Variants in SLC6A6 observed in about 807,000 individuals in gnomAD.
The protein encoded by SLC6A6 is solute carrier family 6 member 6, also known as sodium- and chloride-dependent taurine transporter.
SLC6A6 carries 16 observed loss-of-function variants against 68.8 expected under a neutral mutation model. That is an observed-to-expected ratio of 0.23 (90% CI 0.16 to 0.35). The LOEUF (loss-of-function observed/expected upper bound fraction) is 0.35, where lower values mean the gene tolerates loss of function less well. Ranked by LOEUF, SLC6A6 falls within the 10% of genes least tolerant of loss-of-function variation. The pLI is 1.00. For missense variants in SLC6A6, 474 were observed against 802.8 expected, an observed-to-expected ratio of 0.59 and a Z score of 4.95; for synonymous variants, 312 against 315.4, an observed-to-expected ratio of 0.99 and a Z score of 0.12.
intron 5 of SLC6A6, among the ~76,000 whole-genome samples, chr3:14,455,273 C>T (rs1032663543): frequency 5.9e-5 from 9 of 152,302 alleles, no homozygotes; most frequent in African/African-American, 2.2e-4. Flanking sequence ...TCAGCTGCCC[C>T]GAACAAGTCA....
intron 2 of SLC6A6, among the ~76,000 whole-genome samples, chr3:14,424,714 G>C (rs1699552830): frequency 6.6e-6 from 1 of 152,226 alleles, no homozygotes; most frequent in South Asian, 2.1e-4. Flanking sequence ...ACTGGCTCCT[G>C]AACAGACAAA....
intron 6 of SLC6A6, among the ~76,000 whole-genome samples, chr3:14,460,880 C>T (rs1700479172): frequency 6.6e-6 from 1 of 152,234 alleles, no homozygotes; most frequent in South Asian, 2.1e-4. Flanking sequence ...TGCCTGCTCG[C>T]TGGCCATGGC....
chr3:14,419,979 T>G (rs1574913967), intron 2 of SLC6A6, among the ~76,000 whole-genome samples: 1 of 152,112 alleles, frequency 6.6e-6, no homozygotes, highest in African/African-American at 2.4e-5. Context: ...TGTAAACTGG[T>G]GCATATAGGA....
At chr3:14,419,792 GC>G (rs911092797) in intron 2 of SLC6A6, among the ~76,000 whole-genome samples, 6 of 151,506 alleles carry the variant, frequency 4.0e-5, no homozygotes, top group African/African-American at 1.2e-4. Flanking sequence ...CCCAAGGTGA[GC>G]CCCCCCTAGA....
intron 5 of SLC6A6, among the ~76,000 whole-genome samples, chr3:14,453,177 G>T (rs770700929): frequency 6.6e-6 from 1 of 152,220 alleles, no homozygotes; most frequent in Non-Finnish European, 1.5e-5. Context: ...AAAAGGAAAC[G>T]ATTTGGCCCG....
At chr3:14,426,362 G>A (rs931148719) in intron 2 of SLC6A6, among the ~76,000 whole-genome samples, 1 of 152,180 alleles carries the variant, frequency 6.6e-6, no homozygotes, top group Non-Finnish European at 1.5e-5. Context: ...GCTGGTTAAG[G>A]ATTGGGTAAA....
At chr3:14,483,379 G>C (rs1701055684) in intron 14 of SLC6A6, among the ~76,000 whole-genome samples, 1 of 152,242 alleles carries the variant, frequency 6.6e-6, no homozygotes, top group Non-Finnish European at 1.5e-5. Flanking sequence ...CCAGCCATGA[G>C]CTTCTCTCTG....
intron 2 of SLC6A6, among the ~76,000 whole-genome samples, chr3:14,423,887 G>A (rs1699534136): frequency 6.6e-6 from 1 of 152,198 alleles, no homozygotes; most frequent in South Asian, 2.1e-4. Context: ...GACAAAATCA[G>A]GGAGTGTGGC....
At chr3:14,414,369 G>A (rs546822518) in intron 1 of SLC6A6, among the ~76,000 whole-genome samples, 13 of 152,270 alleles carry the variant, frequency 8.5e-5, no homozygotes, top group East Asian at 1.9e-4. Flanking sequence ...GCTGGCTCAC[G>A]TGCCCACCTA....
At chr3:14,408,726 A>T (rs1699165491) in intron 1 of SLC6A6, among the ~76,000 whole-genome samples, 1 of 151,938 alleles carries the variant, frequency 6.6e-6, no homozygotes, top group Admixed American at 6.6e-5. Context: ...ATCAGTTTTC[A>T]CTTGAGTTTT....
chr3:14,478,545 G>A lies in SLC6A6; in HGVS notation c.1427G>A (p.Cys476Tyr). The change falls in exon 12 of 15, where the codon TGT becomes TAT. Residue 476 changes from cysteine (C) to tyrosine (Y), a missense_variant. By Grantham distance (194) the Cys-to-Tyr change is radical. Coordinates refer to ENST00000622186, the MANE Select transcript of SLC6A6 (RefSeq NM_003043.6). ...VCLLWVAFFE[C>Y]FVIAWIYGGD... ...CTTTTGTGGGTTGCATTCTTTGAAT[G>A]TTTTGTTATTGCCTGGATATATGGT... is the stretch of plus-strand genomic sequence containing the variant. 6.2e-7 allele frequency: 1 copy of A among 1,610,592 alleles called. No homozygotes were observed. Among genetic ancestry groups the A allele is most frequent in the East Asian group, 2.2e-5 (1 of 44,864 alleles).
At chr3:14,429,027 T>A (rs1037642565) in intron 2 of SLC6A6, among the ~76,000 whole-genome samples, 2 of 152,124 alleles carry the variant, frequency 1.3e-5, no homozygotes, top group Non-Finnish European at 2.9e-5. Flanking sequence ...GGCTTCTTTT[T>A]CCCTCTGCAC....
At chr3:14,425,444 T>TA (rs1205039296) in intron 2 of SLC6A6, among the ~76,000 whole-genome samples, 1 of 152,134 alleles carries the variant, frequency 6.6e-6, no homozygotes, top group African/African-American at 2.4e-5. Flanking sequence ...CGGGAGGAAT[T>TA]ATGTAGAACT....
intron 6 of SLC6A6, among the ~76,000 whole-genome samples, chr3:14,465,534 A>G (rs1178414703): frequency 1.3e-5 from 2 of 152,148 alleles, no homozygotes; most frequent in African/African-American, 4.8e-5. Flanking sequence ...GCATCATCCT[A>G]TTGAATCCTC....
intron 6 of SLC6A6, among the ~76,000 whole-genome samples, chr3:14,460,177 C>G (rs1041003872): frequency 1.1e-4 from 16 of 152,046 alleles, no homozygotes; most frequent in African/African-American, 3.9e-4. Context: ...TGAGCCTCTA[C>G]CGTGTGCCAG....
In SLC6A6 at chr3:14,460,494, CA is replaced by C. The variant is rs377207441; in HGVS notation, c.732+2413del. The stretch of plus-strand genomic sequence containing the variant: ...GTGAGTATGTGGAGGGGAAAATCTC[CA>C]GGTAGAAGTGACAGCCTGTGCAAAG... On this transcript the variant is annotated intron_variant, in intron 6 of 14. Transcript: ENST00000622186. 7.8e-4 allele frequency among the ~76,000 whole-genome samples: 119 copies of C among 152,186 alleles called. No homozygotes were observed. In the East Asian group the frequency reaches 0.017, roughly 22 times the overall value.
chr3:14,463,403 G>A (rs939486306), intron 6 of SLC6A6, among the ~76,000 whole-genome samples: 1 of 152,214 alleles, frequency 6.6e-6, no homozygotes, highest in Non-Finnish European at 1.5e-5. Context: ...AACTAACTAC[G>A]TGAAAACAAA....
At chr3:14,426,174 G>C (rs1015437011) in intron 2 of SLC6A6, among the ~76,000 whole-genome samples, 1 of 152,164 alleles carries the variant, frequency 6.6e-6, no homozygotes, top group Non-Finnish European at 1.5e-5. Flanking sequence ...GAGGGGGAGA[G>C]ACTTCCTGGT....
chr3:14,426,671 A>G (rs1263179458), intron 2 of SLC6A6, among the ~76,000 whole-genome samples: 1 of 152,194 alleles, frequency 6.6e-6, no homozygotes, highest in Non-Finnish European at 1.5e-5. Flanking sequence ...CAGACAGACA[A>G]TGTCAGCTGC....
Sources: allele counts gnomAD v4.1 joint callset (sites outside exome capture counted in the v4.1 genomes callset), GRCh38; gene constraint gnomAD v4.1.1; transcripts MANE v1.5; gene names NCBI Gene and HGNC (gene_info 2026-07-23, HGNC 2026-07-21).